POM121: variants seen among roughly 807,000 people sequenced by gnomAD.
POM121 encodes the protein POM121 transmembrane nucleoporin, also known as nuclear envelope pore membrane protein POM 121.
Under a neutral mutation model 81.3 loss-of-function variants are expected in POM121, and 32 were observed. That is an observed-to-expected ratio of 0.39 (90% CI 0.30 to 0.53). The LOEUF (loss-of-function observed/expected upper bound fraction) is 0.53. POM121 is among the 20% of genes least tolerant of loss of function. The pLI is 0.66. For missense variants in POM121, 1,138 were observed against 1,614.6 expected (o/e 0.70, Z 5.06); for synonymous variants, 514 against 694.2 (o/e 0.74, Z 4.08).
chr7:72,893,683 T>C (rs1586076693), intron 3 of POM121, among the ~76,000 whole-genome samples: 1 of 152,230 alleles, frequency 6.6e-6, no homozygotes, highest in Non-Finnish European at 1.5e-5. Context: ...ACTTTAGCAT[T>C]GTGCGTTGTG....
chr7:72,943,153 C>A lies in POM121; in HGVS notation c.3160C>A (p.Gln1054Lys). 1 of 1,613,466 alleles carries A rather than the reference C, an allele frequency of 6.2e-7. No homozygotes were observed. Among genetic ancestry groups the A allele is most frequent in the African/African-American group, 1.3e-5 (1 of 75,062 alleles). The change falls in exon 11 of 13, where the codon CAG (glutamine) becomes AAG (lysine). Residue 1054 changes from glutamine (Q) to lysine (K), a missense_variant. Gln to Lys is a moderately conservative substitution (Grantham distance 53, BLOSUM62 1). This residue lies in a region of POM121 where 336 missense variants were observed against 344.3 expected (regional missense o/e 0.98). Transcript: ENST00000434423. ...ASAFGAPASS[Q>K]PAFGGSTAVF... ...GGCCTTCGGCGCTCCCGCCAGCTCA[C>A]AGCCCGCCTTTGGCGGCTCCACTGC...
At chr7:72,890,064 A>G (rs1791149683) in intron 1 of POM121, among the ~76,000 whole-genome samples, 1 of 152,108 alleles carries the variant, frequency 6.6e-6, no homozygotes, top group African/African-American at 2.4e-5. Flanking sequence ...TTTAACGAAT[A>G]TTTATTGCTG....
At chr7:72,948,860 C>A (rs1554504056), downstream of POM121, 1 of 1,591,488 alleles carries the variant, frequency 6.3e-7, no homozygotes, top group South Asian at 1.1e-5. Flanking sequence ...CACCCCATCC[C>A]CCCCTCCACG....
At chr7:72,894,662 AGAGAGAG>A (rs1336902161) in intron 3 of POM121, among the ~76,000 whole-genome samples, 2 of 149,538 alleles carry the variant, frequency 1.3e-5, no homozygotes, top group African/African-American at 2.5e-5. Flanking sequence ...AGAGAGAGAG[AGAGAGAG>A]AGAGAGAGAG....
intron 3 of POM121, among the ~76,000 whole-genome samples, chr7:72,909,181 G>T (rs1187241060): frequency 6.6e-6 from 1 of 152,130 alleles, no homozygotes; most frequent in African/African-American, 2.4e-5. Context: ...CCCTCTGTTC[G>T]GGGTCCCTGA....
intron 3 of POM121, among the ~76,000 whole-genome samples, chr7:72,908,102 G>A (rs1173342067): frequency 6.6e-6 from 1 of 152,060 alleles, no homozygotes; most frequent in Non-Finnish European, 1.5e-5. Flanking sequence ...CTTAGTTATT[G>A]TAATTTCTAG....
intron 3 of POM121, among the ~76,000 whole-genome samples, chr7:72,897,288 C>T (rs1554491852): frequency 6.6e-6 from 1 of 152,074 alleles, no homozygotes; most frequent in East Asian, 1.9e-4. Context: ...TGATAAGATA[C>T]TTAGAGAGCT....
At chr7:72,903,113 C>T (rs1190035190) in intron 3 of POM121, among the ~76,000 whole-genome samples, 1 of 151,734 alleles carries the variant, frequency 6.6e-6, no homozygotes, top group Non-Finnish European at 1.5e-5. Context: ...AATACCTTTT[C>T]CCCCCAAAAA....
At chr7:72,949,677 A>G (rs1797939033), downstream of POM121, 1 of 675,322 alleles carries the variant, frequency 1.5e-6, no homozygotes, top group African/African-American at 1.8e-5. Context: ...GGGCTAAGGG[A>G]TCCACATCTC....
rs1262729282 is a variant in POM121 at position 72,925,142 on chromosome 7, G to A, written c.21G>A (p.Ala7=). The part of the protein sequence containing the change: MSPAAA[A]AGAGERRRPI... ...CCGCGATGTCTCCGGCGGCTGCGGCGGCTGGAGCAGGCGAGCGGCGGCGGC... is the reference window on the plus strand; with the variant it reads ...CCGCGATGTCTCCGGCGGCTGCGGCAGCTGGAGCAGGCGAGCGGCGGCGGC... The change falls in exon 1 of 13, where the codon GCG becomes GCA. Residue 7 remains alanine (A), a synonymous_variant. Transcript: ENST00000434423. The A allele has an allele frequency of 2.9e-5, 42 of 1,450,182 alleles. 1 individual carries two copies. The highest frequency in any genetic ancestry group is 3.4e-5 in the Non-Finnish European group (38 of 1,113,656). The allele number at this position is 1,450,182 out of a possible 1,614,324, so 89.8% of individuals were successfully genotyped here. A position where few individuals can be genotyped will look rare whatever the true frequency, so the allele number is the denominator to read the frequency against.
chr7:72,908,294 C>G (rs576176397), intron 3 of POM121, among the ~76,000 whole-genome samples: 64 of 152,194 alleles, frequency 4.2e-4, no homozygotes, highest in Admixed American at 3.1e-3. Flanking sequence ...CATCACATGT[C>G]GGCAGGTTCC....
Position 72,925,514 on chromosome 7 carries a change from T to C in POM121, c.393T>C (p.Pro131=). The C allele has an allele frequency of 6.5e-7, 1 of 1,531,592 alleles. No individual in the cohort carries two copies. The highest frequency in any genetic ancestry group is 8.7e-7 in the Non-Finnish European group (1 of 1,145,298). 94.9% of individuals were successfully genotyped at this position (1,531,592 alleles called of 1,614,324 possible). A position where few individuals can be genotyped will look rare whatever the true frequency, so the allele number is the denominator to read the frequency against. Residue 131 remains proline (P), a synonymous_variant, in exon 1 of 13, where the codon CCT becomes CCC. Transcript: ENST00000434423. ...EPRTLLEGPD[P]AELLLMGSYL... ...GGACCCTGCTCGAAGGACCTGACCC[T>C]GCGGAACTGCTACTCATGGGCAGTT...
downstream of POM121, chr7:72,949,455 C>T: frequency 6.3e-7 from 1 of 1,585,114 alleles, no homozygotes; most frequent in South Asian, 1.1e-5. Context: ...CCATGGATGC[C>T]AGCCGCCTGG....
At chr7:72,950,109 A>G (rs1797961579), downstream of POM121, 3 of 1,596,954 alleles carry the variant, frequency 1.9e-6, no homozygotes, top group East Asian at 6.7e-5. Flanking sequence ...GTTCATGCAG[A>G]TCTGTCTGGG....
At chr7:72,883,229 A>G (rs189825523) in intron 1 of POM121, among the ~76,000 whole-genome samples, 248 of 152,258 alleles carry the variant, frequency 1.6e-3, no homozygotes, top group Middle Eastern at 0.01. Flanking sequence ...TTTAGTAGAG[A>G]CTGGCTTTCA....
chr7:72,934,124 G>A lies in POM121; in HGVS notation c.1275+4013G>A, dbSNP rs542245614. Among the ~76,000 whole-genome samples the A allele has an allele frequency of 1.4e-4, 21 of 150,736 alleles. 1 individual carries two copies. Among genetic ancestry groups the A allele is most frequent in the Admixed American group, 1.1e-3 (16 of 15,084 alleles). On this transcript the variant is annotated intron_variant, in intron 5 of 12. Transcript: ENST00000434423. ...TTTTGAGACAGAGTCTCGCACTGTC[G>A]CCCGGGCTGGAGTGCAGTGCTGTGA... is the stretch of plus-strand genomic sequence containing the variant.
Position 72,930,025 on chromosome 7 carries a change from T to C in POM121, c.1189T>C (p.Leu397=). 6.2e-7 allele frequency: 1 copy of C among 1,614,034 alleles called. No individual in the cohort carries two copies. Among genetic ancestry groups the C allele is most frequent in the Non-Finnish European group, 8.5e-7 (1 of 1,179,870 alleles). ...KRSRSSSMSS[L]TGAYASGIPS... The stretch of plus-strand genomic sequence containing the variant: ...ATCCCGAAGCTCTTCCATGAGCTCC[T>C]TGACAGGCGCTTACGCAAGTGGCAT... Residue 397 remains leucine (L), a synonymous_variant, in exon 5 of 13, where the codon TTG becomes CTG. Transcript: ENST00000434423.
chr7:72,900,032 T>C (rs1792439273), intron 3 of POM121, among the ~76,000 whole-genome samples: 1 of 152,240 alleles, frequency 6.6e-6, no homozygotes, highest in African/African-American at 2.4e-5. Context: ...TTTCAGAATA[T>C]TAGGCATCAC....
At chr7:72,918,429 T>C (rs1794496516) in intron 4 of POM121, among the ~76,000 whole-genome samples, 1 of 152,192 alleles carries the variant, frequency 6.6e-6, no homozygotes, top group African/African-American at 2.4e-5. Context: ...TCTTGTCTTC[T>C]GGTCACTTCT....
Sources: allele counts gnomAD v4.1 joint callset (sites outside exome capture counted in the v4.1 genomes callset), GRCh38; gene constraint gnomAD v4.1.1; regional missense constraint gnomAD v4.1.1; transcripts MANE v1.5; gene names NCBI Gene and HGNC (gene_info 2026-07-23, HGNC 2026-07-21).